NCAM2: variants seen among roughly 807,000 people sequenced by gnomAD.
NCAM2 encodes N-CAM-2.
NCAM2 carries 30 observed loss-of-function variants against 98.1 expected under a neutral mutation model. The observed-to-expected ratio is 0.31, with a 90% CI of 0.23 to 0.41. NCAM2 has a LOEUF of 0.41. Ranked by LOEUF, NCAM2 falls within the 10% of genes least tolerant of loss-of-function variation. NCAM2 has a pLI of 1.00. For synonymous variants in NCAM2, 368 were observed against 342.4 expected (o/e 1.07, Z -0.83); for missense variants, 867 against 1,005.8 (o/e 0.86, Z 1.87).
chr21:21,242,894 A>G (rs185453029), intron 1 of NCAM2, among the ~76,000 whole-genome samples: 102 of 152,248 alleles, frequency 6.7e-4, no homozygotes, highest in African/African-American at 2.4e-3. Context: ...AAAGAGGTAT[A>G]TGGGAAATGC....
intron 12 of NCAM2, among the ~76,000 whole-genome samples, chr21:21,433,946 C>T (rs1311929331): frequency 1.3e-5 from 2 of 152,082 alleles, no homozygotes; most frequent in Non-Finnish European, 2.9e-5. Flanking sequence ...AAATTGAACA[C>T]GGCACAAAAG....
intron 1 of NCAM2, among the ~76,000 whole-genome samples, chr21:21,237,357 G>C (rs890397886): frequency 1.3e-5 from 2 of 151,948 alleles, no homozygotes; most frequent in African/African-American, 4.8e-5. Flanking sequence ...TCTGTCAGTA[G>C]GTAAGATGAA....
intron 8 of NCAM2, among the ~76,000 whole-genome samples, chr21:21,361,162 C>T (rs1311956981): frequency 6.6e-6 from 1 of 152,004 alleles, no homozygotes; most frequent in African/African-American, 2.4e-5. Context: ...AATTCATCTC[C>T]CTATATATAA....
intron 8 of NCAM2, among the ~76,000 whole-genome samples, chr21:21,354,806 G>A (rs745707387): frequency 6.9e-6 from 1 of 145,450 alleles, no homozygotes; most frequent in Non-Finnish European, 1.5e-5. Flanking sequence ...CATTGTAAAA[G>A]AAACTCATTT....
Position 21,500,730 on chromosome 21 carries a change from T to G in NCAM2, c.2078-8121T>G, listed in dbSNP as rs13052746. ...AGAGAAGTCTATCAAAGTCCAAACATGAATCTTAACTCATTTAAACTATTT... is the reference window on the plus strand; with the variant it reads ...AGAGAAGTCTATCAAAGTCCAAACAGGAATCTTAACTCATTTAAACTATTT... On this transcript the variant is annotated intron_variant, in intron 15 of 17. Coordinates refer to ENST00000400546, the MANE Select transcript of NCAM2 (RefSeq NM_004540.5). 7.5e-3 allele frequency among the ~76,000 whole-genome samples: 1,139 copies of G among 152,232 alleles called. 11 individuals are homozygous for G. The highest frequency in any genetic ancestry group is 0.027 in the Middle Eastern group (8 of 294).
intron 1 of NCAM2, among the ~76,000 whole-genome samples, chr21:21,147,598 G>GTA (rs905074261): frequency 1.5e-4 from 23 of 149,744 alleles, no homozygotes; most frequent in African/African-American, 5.6e-4. Flanking sequence ...TACATACACT[G>GTA]TATATATATG....
intron 16 of NCAM2, among the ~76,000 whole-genome samples, chr21:21,531,853 CGTG>C (rs1487882342): frequency 1.4e-5 from 2 of 148,066 alleles, no homozygotes. Flanking sequence ...ATTAGCCGGG[CGTG>C]GTGGTGGGCG....
At chr21:21,118,242 A>G (rs140893309) in intron 1 of NCAM2, among the ~76,000 whole-genome samples, 5 of 152,356 alleles carry the variant, frequency 3.3e-5, no homozygotes, top group African/African-American at 4.8e-5. Context: ...TATATAGACC[A>G]TCAGCAAGAA....
At chr21:21,150,239 T>C (rs1330998459) in intron 1 of NCAM2, among the ~76,000 whole-genome samples, 1 of 152,194 alleles carries the variant, frequency 6.6e-6, no homozygotes, top group Non-Finnish European at 1.5e-5. Context: ...TATATTTACT[T>C]ATTCTTATAG....
chr21:21,009,211 A>T (rs961151253), intron 1 of NCAM2, among the ~76,000 whole-genome samples: 1 of 152,150 alleles, frequency 6.6e-6, no homozygotes, highest in Non-Finnish European at 1.5e-5. Flanking sequence ...TTTAAAAAGC[A>T]TATTTACTTT....
chr21:21,130,618 T>C (rs1473038600), intron 1 of NCAM2, among the ~76,000 whole-genome samples: 9 of 152,136 alleles, frequency 5.9e-5, no homozygotes, highest in Non-Finnish European at 1.0e-4. Flanking sequence ...TATGTTTATA[T>C]TAACTTAATT....
At chr21:21,439,201 C>T (rs1711874265) in intron 12 of NCAM2, among the ~76,000 whole-genome samples, 1 of 151,798 alleles carries the variant, frequency 6.6e-6, no homozygotes, top group Non-Finnish European at 1.5e-5. Flanking sequence ...TCACTACAAC[C>T]TCCGCCTCCC....
chr21:21,453,773 T>C (rs1981701828), intron 12 of NCAM2, among the ~76,000 whole-genome samples: 1 of 152,092 alleles, frequency 6.6e-6, no homozygotes, highest in Admixed American at 6.6e-5. Context: ...TCTTTGCTAT[T>C]TTTGAAATTC....
chr21:21,154,565 A>G (rs1467253297), intron 1 of NCAM2, among the ~76,000 whole-genome samples: 1 of 151,948 alleles, frequency 6.6e-6, no homozygotes, highest in Admixed American at 6.6e-5. Context: ...GGAAAGACAC[A>G]AAACGAAAAC....
At chr21:21,383,720 C>T (rs557059452) in intron 9 of NCAM2, among the ~76,000 whole-genome samples, 1 of 152,216 alleles carries the variant, frequency 6.6e-6, no homozygotes, top group Non-Finnish European at 1.5e-5. Context: ...TCTAGTACAA[C>T]TTTAAAGCAT....
chr21:21,314,515 G>A (rs1177666804), intron 5 of NCAM2, among the ~76,000 whole-genome samples: 1 of 152,042 alleles, frequency 6.6e-6, no homozygotes, highest in Non-Finnish European at 1.5e-5. Flanking sequence ...GAAGTTTTCA[G>A]ATGTCAGATG....
At chr21:21,215,554 A>T (rs1343493206) in intron 1 of NCAM2, among the ~76,000 whole-genome samples, 2 of 152,018 alleles carry the variant, frequency 1.3e-5, no homozygotes, top group African/African-American at 2.4e-5. Context: ...TCTCACCTCT[A>T]CTAAAAACAA....
chr21:21,185,469 T>C (rs2068610464), intron 1 of NCAM2, among the ~76,000 whole-genome samples: 1 of 152,186 alleles, frequency 6.6e-6, no homozygotes, highest in Admixed American at 6.5e-5. Flanking sequence ...GAATTATTTC[T>C]ACTTTACTTG....
intron 15 of NCAM2, 133 bp from the exon 16 acceptor site, chr21:21,508,718 T>C: frequency 1.4e-6 from 1 of 702,124 alleles, no homozygotes; most frequent in Non-Finnish European, 2.1e-6. Context: ...TATGACTTTA[T>C]TCTGTCTCTT....
Sources: allele counts gnomAD v4.1 joint callset (sites outside exome capture counted in the v4.1 genomes callset), GRCh38; gene constraint gnomAD v4.1.1; transcripts MANE v1.5; gene names NCBI Gene and HGNC (gene_info 2026-07-23, HGNC 2026-07-21).